The following TAOK1 variants were observed in gnomAD, a reference collection of about 807,000 sequenced individuals.
The protein encoded by TAOK1 is serine/threonine-protein kinase TAO1.
Under a neutral mutation model 138.3 loss-of-function variants are expected in TAOK1, and 21 were observed. The observed-to-expected ratio is 0.15, with a 90% CI of 0.11 to 0.22. The LOEUF (loss-of-function observed/expected upper bound fraction) is 0.22, where lower values mean the gene tolerates loss of function less well. Among genes scored for constraint, TAOK1 ranks in the 10% least tolerant of loss-of-function variants. TAOK1 has a pLI of 1.00. For synonymous variants in TAOK1, 361 were observed against 398.4 expected, an observed-to-expected ratio of 0.91 and a Z score of 1.12; for missense variants, 651 against 1,227.7, an observed-to-expected ratio of 0.53 and a Z score of 7.02.
intron 15 of TAOK1, chr17:29,513,020 A>C: frequency 6.6e-6 from 1 of 150,744 alleles, no homozygotes; most frequent in African/African-American, 2.4e-5. Context: ...CAAGATAGTC[A>C]CTAGGACAGA....
intron 1 of TAOK1, among the ~76,000 whole-genome samples, chr17:29,426,633 G>T (rs1013933157): frequency 9.9e-5 from 15 of 152,182 alleles, no homozygotes; most frequent in Admixed American, 3.9e-4. Flanking sequence ...TCCATGTCTT[G>T]TGCTTATGGA....
intron 3 of TAOK1, among the ~76,000 whole-genome samples, chr17:29,474,771 A>C (rs2030904272): frequency 6.6e-6 from 1 of 152,062 alleles, no homozygotes. Context: ...ACACAAAGAC[A>C]TCAAGTGAGC....
At chr17:29,497,714 C>CAAAAAAA (rs373537264) in intron 11 of TAOK1, among the ~76,000 whole-genome samples, 3 of 100,716 alleles carry the variant, frequency 3.0e-5, no homozygotes, top group African/African-American at 7.5e-5. Context: ...TATTGAAATA[C>CAAAAAAA]AAAAAAAAAA....
chr17:29,500,776 G>T (rs1301685901), intron 12 of TAOK1, among the ~76,000 whole-genome samples: 1 of 151,574 alleles, frequency 6.6e-6, no homozygotes, highest in East Asian at 1.9e-4. Context: ...ACATCCAGTA[G>T]AATATTACTC....
intron 1 of TAOK1, among the ~76,000 whole-genome samples, chr17:29,443,010 T>G (rs193176384): frequency 2.0e-5 from 3 of 152,272 alleles, no homozygotes; most frequent in Admixed American, 1.3e-4. Context: ...GTGTGTGTGT[T>G]TGTGTGTGTC....
intron 11 of TAOK1, 124 bp downstream of exon 11, chr17:29,495,851 G>A: frequency 1.3e-6 from 1 of 778,252 alleles, no homozygotes; most frequent in Non-Finnish European, 1.8e-6. Context: ...TCTCAACACT[G>A]GTCCTATAAA....
chr17:29,483,863 A>G (rs1321833209), intron 8 of TAOK1, among the ~76,000 whole-genome samples: 1 of 152,130 alleles, frequency 6.6e-6, no homozygotes, highest in African/African-American at 2.4e-5. Context: ...TTTCCTACCC[A>G]TAGGTCCTAA....
At chr17:29,412,105 C>T (rs1024097483) in intron 1 of TAOK1, among the ~76,000 whole-genome samples, 2 of 151,734 alleles carry the variant, frequency 1.3e-5, no homozygotes, top group Non-Finnish European at 2.9e-5. Context: ...TGCTGTTGTG[C>T]AATCTCAGCT....
At chr17:29,520,172 CTCTG>C (rs762963539) in intron 16 of TAOK1, among the ~76,000 whole-genome samples, 2 of 146,072 alleles carry the variant, frequency 1.4e-5, no homozygotes, top group Admixed American at 1.4e-4. Context: ...CAGAGTGAGA[CTCTG>C]TCTGAAGAAA....
chr17:29,469,475 T>C (rs2030762101), intron 3 of TAOK1, among the ~76,000 whole-genome samples: 1 of 152,150 alleles, frequency 6.6e-6, no homozygotes, highest in Admixed American at 6.6e-5. Context: ...TAAGCAATAA[T>C]TCCCCAGCCT....
chr17:29,484,360 A>T (rs981025163), intron 8 of TAOK1, among the ~76,000 whole-genome samples: 1 of 152,224 alleles, frequency 6.6e-6, no homozygotes, highest in East Asian at 1.9e-4. Flanking sequence ...TGAAGTGCTA[A>T]GTCAGGAACT....
chr17:29,496,579 CTTTT>C (rs748595265), intron 11 of TAOK1, among the ~76,000 whole-genome samples: 15 of 87,852 alleles, frequency 1.7e-4, no homozygotes, highest in Non-Finnish European at 2.6e-4. Flanking sequence ...CCATCTACAC[CTTTT>C]TTTTTTTTTT....
rs1348030011 is a variant in TAOK1, at chr17:29,548,200, TC to T, written c.*5179del. On this transcript the variant is annotated 3_prime_UTR_variant, in exon 20 of 20. Transcript: ENST00000261716. ...GAGACTCCATTTAGCTTAACGGTAG[TC>T]TTTAGATCATAAGAAATATATAAAT... is the stretch of plus-strand genomic sequence containing the variant. 2.0e-5 allele frequency: 3 copies of T among 152,150 alleles called. No individual in the cohort carries two copies. 9.4% of individuals were successfully genotyped at this position (152,150 alleles called of 1,614,324 possible). A position where few individuals can be genotyped will look rare whatever the true frequency, so the allele number is the denominator to read the frequency against.
intron 2 of TAOK1, among the ~76,000 whole-genome samples, chr17:29,452,007 G>A (rs570003006): frequency 6.6e-6 from 1 of 152,094 alleles, no homozygotes; most frequent in Non-Finnish European, 1.5e-5. Context: ...CTTGAGTCCA[G>A]CAGTTTGAGA....
At position 29,468,023 on chromosome 17, in the gene TAOK1, C is replaced by T. The variant is rs1050737110; in HGVS notation, c.204+807C>T. ...TGTATTTTTAGTAGAGACAGGGTGTCTCCATGTTGGCCAGGCTGGTCTCAA... is the reference window on the plus strand; with the variant it reads ...TGTATTTTTAGTAGAGACAGGGTGTTTCCATGTTGGCCAGGCTGGTCTCAA... On this transcript the variant is annotated intron_variant, in intron 3 of 19. Coordinates refer to ENST00000261716, the MANE Select transcript of TAOK1 (RefSeq NM_020791.4). Among the ~76,000 whole-genome samples the T allele has an allele frequency of 4.0e-5, 6 of 150,928 alleles. No individual in the cohort carries two copies. The East Asian group carries it at 1.2e-3, about 30-fold the overall frequency.
chr17:29,537,377 A>C (rs1008869937), intron 19 of TAOK1, among the ~76,000 whole-genome samples: 1 of 151,776 alleles, frequency 6.6e-6, no homozygotes, highest in African/African-American at 2.4e-5. Flanking sequence ...GTCAACAGAG[A>C]CTCACTCTGT....
chr17:29,397,684 C>T (rs11655032), intron 1 of TAOK1, among the ~76,000 whole-genome samples: 35 of 128,106 alleles, frequency 2.7e-4, no homozygotes, highest in East Asian at 1.8e-3. Flanking sequence ...TACATGTATA[C>T]ATGTATATTC....
chr17:29,416,385 A>C (rs1905265141), intron 1 of TAOK1, among the ~76,000 whole-genome samples: 1 of 152,100 alleles, frequency 6.6e-6, no homozygotes, highest in South Asian at 2.1e-4. Flanking sequence ...CATAGAGAGA[A>C]ATAGTCACCT....
chr17:29,424,911 G>A (rs1380322004), intron 1 of TAOK1: 2 of 152,068 alleles, frequency 1.3e-5, no homozygotes, highest in Non-Finnish European at 2.9e-5. Flanking sequence ...TGGGGGGATT[G>A]TCATTTTTCA....
Sources: allele counts gnomAD v4.1 joint callset (sites outside exome capture counted in the v4.1 genomes callset), GRCh38; gene constraint gnomAD v4.1.1; transcripts MANE v1.5; gene names NCBI Gene and HGNC (gene_info 2026-07-23, HGNC 2026-07-21).